PAK1: variants seen among roughly 807,000 people sequenced by gnomAD.
PAK1 encodes the protein p21 (RAC1) activated kinase 1.
In PAK1, 29 loss-of-function variants were observed where a neutral mutation model predicts 67.4. That is an observed-to-expected ratio of 0.43 (90% CI 0.32 to 0.59). The LOEUF (loss-of-function observed/expected upper bound fraction) is 0.59. PAK1 is among the 20% of genes least tolerant of loss of function. The pLI is 0.07. For synonymous variants in PAK1, 223 were observed against 237.4 expected (o/e 0.94, Z 0.56); for missense variants, 337 against 670.7 (o/e 0.50, Z 5.50).
At chr11:77,471,615 G>T (rs1323411288) in intron 1 of PAK1, among the ~76,000 whole-genome samples, 1 of 152,200 alleles carries the variant, frequency 6.6e-6, no homozygotes, top group Non-Finnish European at 1.5e-5. Flanking sequence ...AGAGTGGCAG[G>T]GGAGCCACAG....
chr11:77,325,379 G>A (rs750986708), intron 14 of PAK1: 9 of 1,613,098 alleles, frequency 5.6e-6, no homozygotes, highest in Non-Finnish European at 7.6e-6. Context: ...TTTCTCACCT[G>A]TAAAAATGAG....
intron 1 of PAK1, among the ~76,000 whole-genome samples, chr11:77,397,637 T>G (rs372421505): frequency 6.6e-6 from 1 of 152,238 alleles, no homozygotes. Flanking sequence ...CTTTACATAC[T>G]GAATCAAAGT....
chr11:77,381,174 T>C (rs1038852017), intron 2 of PAK1, among the ~76,000 whole-genome samples: 2 of 131,516 alleles, frequency 1.5e-5, no homozygotes, highest in African/African-American at 3.4e-5. Context: ...TGTGTGTGTG[T>C]GTAGAGAGAG....
intron 5 of PAK1, 82 bp downstream of exon 5, chr11:77,374,246 G>C (rs1948808073): frequency 1.1e-6 from 1 of 886,174 alleles, no homozygotes. Flanking sequence ...GTGCCTCCCA[G>C]CTCAGGCTCT....
At chr11:77,386,669 A>C (rs1950485853) in intron 2 of PAK1, among the ~76,000 whole-genome samples, 1 of 152,192 alleles carries the variant, frequency 6.6e-6, no homozygotes, top group African/African-American at 2.4e-5. Flanking sequence ...CCTACAGATC[A>C]TTCTTCTTTC....
intron 1 of PAK1, among the ~76,000 whole-genome samples, chr11:77,447,403 T>C (rs1048586121): frequency 3.3e-5 from 5 of 152,206 alleles, no homozygotes; most frequent in African/African-American, 1.2e-4. Context: ...GCACTAACAC[T>C]GTTTCAAGTC....
chr11:77,473,469 C>G (rs1384408588), intron 1 of PAK1, 83 bp downstream of exon 1: 1 of 152,366 alleles, frequency 6.6e-6, no homozygotes, highest in Non-Finnish European at 1.5e-5. Flanking sequence ...GGCCCAGACC[C>G]CCACTCCACC....
intron 14 of PAK1, among the ~76,000 whole-genome samples, chr11:77,325,007 T>C (rs912451354): frequency 1.4e-4 from 21 of 152,220 alleles, no homozygotes; most frequent in East Asian, 5.8e-4. Flanking sequence ...ATAAGTGTGT[T>C]CTCACAGGAG....
chr11:77,460,322 GCT>G (rs1491580341), intron 1 of PAK1, among the ~76,000 whole-genome samples: 12 of 114,146 alleles, frequency 1.1e-4, no homozygotes, highest in African/African-American at 3.3e-4. Flanking sequence ...TTTTTTGTTT[GCT>G]TTTTTTTTTT....
chr11:77,431,832 G>T (rs1412299578), intron 1 of PAK1, among the ~76,000 whole-genome samples: 1 of 152,198 alleles, frequency 6.6e-6, no homozygotes, highest in Non-Finnish European at 1.5e-5. Context: ...ATCTGGAGAA[G>T]AGAAAGGATA....
At chr11:77,443,811 A>T (rs1307359205) in intron 1 of PAK1, among the ~76,000 whole-genome samples, 1 of 152,198 alleles carries the variant, frequency 6.6e-6, no homozygotes, top group Non-Finnish European at 1.5e-5. Flanking sequence ...TTAATGAGAA[A>T]ATTAAAAGAT....
chr11:77,509,212 C>G, the PAK1 span, among the ~76,000 whole-genome samples: 1 of 151,680 alleles, frequency 6.6e-6, no homozygotes, highest in East Asian at 2.0e-4. Flanking sequence ...GAGCCAAGAT[C>G]GCGCCACTGC....
intron 1 of PAK1, among the ~76,000 whole-genome samples, chr11:77,437,416 A>G (rs1956173799): frequency 1.3e-5 from 2 of 152,232 alleles, no homozygotes; most frequent in East Asian, 3.8e-4. Flanking sequence ...AAAGGCTTAG[A>G]ACAGTGTCTG....
At chr11:77,523,084 G>T in the PAK1 span, among the ~76,000 whole-genome samples, 1 of 152,168 alleles carries the variant, frequency 6.6e-6, no homozygotes, top group African/African-American at 2.4e-5. Context: ...CTGAGAGAGG[G>T]AAAGGGGCAA....
At chr11:77,402,753 C>T (rs1377710156) in intron 1 of PAK1, among the ~76,000 whole-genome samples, 1 of 152,200 alleles carries the variant, frequency 6.6e-6, no homozygotes, top group Non-Finnish European at 1.5e-5. Flanking sequence ...CCACATGCTG[C>T]CTCAATGGAA....
chr11:77,524,409 T>G, the PAK1 span, among the ~76,000 whole-genome samples: 1 of 152,220 alleles, frequency 6.6e-6, no homozygotes. Flanking sequence ...ATCCATCTCC[T>G]AGCATGCCTC....
At chr11:77,360,772 A>G (rs1195549987) in intron 5 of PAK1, among the ~76,000 whole-genome samples, 1 of 152,172 alleles carries the variant, frequency 6.6e-6, no homozygotes, top group East Asian at 1.9e-4. Flanking sequence ...GTCCTTGGGC[A>G]AGGGTCTAAG....
intron 1 of PAK1, among the ~76,000 whole-genome samples, chr11:77,397,578 G>C (rs1473146999): frequency 6.6e-6 from 1 of 152,174 alleles, no homozygotes; most frequent in East Asian, 1.9e-4. Flanking sequence ...TGCTACAGTA[G>C]AAAGACGGGA....
At chr11:77,352,387 C>T (rs74533418) in intron 8 of PAK1, among the ~76,000 whole-genome samples, 3,065 of 152,262 alleles carry the variant, frequency 0.02, 102 homozygotes, top group African/African-American at 0.07. Context: ...AGTCATGTGT[C>T]ACATAACGAC....
Sources: gnomAD v4.1 joint callset for allele counts (sites outside exome capture counted in the v4.1 genomes callset) on GRCh38, gnomAD v4.1.1 for gene constraint, MANE v1.5 for transcripts, NCBI Gene and HGNC (gene_info 2026-07-23, HGNC 2026-07-21) for gene names.